Variants in KAZN observed in about 807,000 individuals in gnomAD.
The protein encoded by KAZN is kazrin.
Under a neutral mutation model 87.4 loss-of-function variants are expected in KAZN, and 40 were observed. That is an observed-to-expected ratio of 0.46 (90% CI 0.36 to 0.60). The LOEUF is 0.60. Among genes scored for constraint, KAZN ranks in the 20% least tolerant of loss-of-function variants. KAZN has a pLI of 0.00. For missense variants in KAZN, 898 were observed against 1,073.9 expected (o/e 0.84, Z 2.29); for synonymous variants, 466 against 458.3 (o/e 1.02, Z -0.22).
intron 1 of KAZN, among the ~76,000 whole-genome samples, chr1:14,624,218 C>T (rs929080924): frequency 6.6e-6 from 1 of 152,100 alleles, no homozygotes; most frequent in African/African-American, 2.4e-5. Flanking sequence ...GTCAGGAGAT[C>T]GAGACCGTCC....
At chr1:14,154,262 T>C (rs1391659035) in intron 1 of KAZN, among the ~76,000 whole-genome samples, 1 of 152,230 alleles carries the variant, frequency 6.6e-6, no homozygotes, top group Non-Finnish European at 1.5e-5. Flanking sequence ...GTTGCTATTA[T>C]AAATGGGATT....
chr1:14,791,340 AC>A (rs1361564115), intron 1 of KAZN, among the ~76,000 whole-genome samples: 1 of 151,812 alleles, frequency 6.6e-6, no homozygotes, highest in Non-Finnish European at 1.5e-5. Flanking sequence ...CACACGAGAA[AC>A]CTCTCCACTT....
intron 2 of KAZN, among the ~76,000 whole-genome samples, chr1:14,587,796 C>A (rs574783163): frequency 6.6e-6 from 1 of 152,212 alleles, no homozygotes; most frequent in African/African-American, 2.4e-5. Flanking sequence ...TTCATTTCGA[C>A]ATGAGATTTG....
intron 1 of KAZN, among the ~76,000 whole-genome samples, chr1:14,052,549 A>C (rs1027090766): frequency 1.1e-4 from 17 of 151,990 alleles, no homozygotes; most frequent in African/African-American, 4.1e-4. Flanking sequence ...AAAAAAAAAA[A>C]ACAAGAGAAA....
Position 15,044,271 on chromosome 1 carries a change from C to A in KAZN, c.726+112C>A, listed in dbSNP as rs554700931. ...GAGACCTAGGGTGGGGTGGGTGGGG[C>A]AGAGCAGAACACAAGCAGGGGGCAG... On this transcript the variant is annotated intron_variant, in intron 4 of 14. Coordinates refer to ENST00000376030, the MANE Select transcript of KAZN (RefSeq NM_201628.3). 401 of 977,830 alleles carry A rather than the reference C, an allele frequency of 4.1e-4. 1 individual carries two copies. The African/African-American group carries it at 6.2e-3, about 15-fold the overall frequency. 60.6% of individuals were successfully genotyped at this position (977,830 alleles called of 1,614,324 possible). A position where few individuals can be genotyped will look rare whatever the true frequency, so the allele number is the denominator to read the frequency against.
chr1:14,151,727 TTA>T (rs1341704483), intron 1 of KAZN, among the ~76,000 whole-genome samples: 47 of 152,238 alleles, frequency 3.1e-4, no homozygotes, highest in African/African-American at 1.0e-3. Context: ...ATAGACAAGG[TTA>T]TTGGAAGAAT....
In KAZN at chr1:14,934,449, C is replaced by T. The variant is rs190107308; in HGVS notation, c.227-26235C>T. On this transcript the variant is annotated intron_variant, in intron 1 of 14. Transcript: ENST00000376030. ...CTTGAACTCCTGACCTTGTGATCCA[C>T]CTGCCTTTGCCTCCCAAAGTGCTGG... is the stretch of plus-strand genomic sequence containing the variant. Among the ~76,000 whole-genome samples the T allele has an allele frequency of 3.4e-3, 518 of 152,200 alleles. 2 individuals carry two copies. The highest frequency in any genetic ancestry group is 0.017 in the Middle Eastern group (5 of 294).
At chr1:14,341,290 C>G (rs1657707183) in intron 2 of KAZN, among the ~76,000 whole-genome samples, 3 of 152,148 alleles carry the variant, frequency 2.0e-5, no homozygotes, top group African/African-American at 7.2e-5. Flanking sequence ...TGATGATGAT[C>G]TCAAGTGTGA....
intron 1 of KAZN, among the ~76,000 whole-genome samples, chr1:14,905,960 A>G (rs1372936300): frequency 2.7e-5 from 4 of 150,892 alleles, no homozygotes; most frequent in Non-Finnish European, 5.9e-5. Context: ...CGAGGTCAGG[A>G]GATCGAGGCC....
intron 1 of KAZN, among the ~76,000 whole-genome samples, chr1:14,892,855 C>T (rs542781894): frequency 6.6e-6 from 1 of 152,274 alleles, no homozygotes; most frequent in African/African-American, 2.4e-5. Context: ...CACACAAAAG[C>T]TTCCAGAAGA....
chr1:15,077,004 G>A lies in KAZN; in HGVS notation c.1222+11251G>A, dbSNP rs1222984785. Among the ~76,000 whole-genome samples the A allele has an allele frequency of 2.6e-5, 4 of 152,180 alleles. No individual in the cohort carries two copies. The South Asian group carries it at 6.2e-4, about 24-fold the overall frequency. ...ATAGGCGGGTCAGTGACGTGGCCAC[G>A]TGGGGCCAGCACGTGCTGTAGCAAA... On this transcript the variant is annotated intron_variant, in intron 8 of 14. Transcript: ENST00000376030. The surrounding 1 kb of genome is among the most constrained non-coding windows in gnomAD (Gnocchi z 4.8).
At chr1:14,360,966 T>C (rs1659453776) in intron 2 of KAZN, among the ~76,000 whole-genome samples, 1 of 152,164 alleles carries the variant, frequency 6.6e-6, no homozygotes, top group Admixed American at 6.5e-5. Flanking sequence ...GCTCAAGCAC[T>C]GTGCTAGGAG....
At chr1:14,478,908 A>C (rs1668921705) in intron 2 of KAZN, among the ~76,000 whole-genome samples, 1 of 152,232 alleles carries the variant, frequency 6.6e-6, no homozygotes, top group Non-Finnish European at 1.5e-5. Flanking sequence ...AAACAAGAGT[A>C]GAGAAGCAGG....
At position 14,697,140 on chromosome 1, in the gene KAZN, CA is replaced by C. The variant is rs1172632955; in HGVS notation, c.226+97934del. On this transcript the variant is annotated intron_variant, in intron 1 of 14. Transcript: ENST00000376030. ...GATCTTATCTGTACAAACAAACCAACAAAAAAAAAAAAAAAAAGAAAAGAAA... is the reference window on the plus strand; with the variant it reads ...GATCTTATCTGTACAAACAAACCAACAAAAAAAAAAAAAAAAGAAAAGAAA... Among the ~76,000 whole-genome samples, 207 of 67,774 alleles carry C rather than the reference CA, an allele frequency of 3.1e-3. 3 individuals carry two copies. In the South Asian group the frequency reaches 0.032, roughly 10 times the overall value. 44.5% of individuals were successfully genotyped at this position (67,774 alleles called of 152,430 possible). A position where few individuals can be genotyped will look rare whatever the true frequency, so the allele number is the denominator to read the frequency against.
rs74714895 is a variant in KAZN at position 15,094,946 on chromosome 1, C to G, written c.1547+13C>G. ...AGGCAGGCCGCAGGTGAGCCCACCA[C>G]GAGGGGCCCCGGGGGAGGAGAGAAA... On this transcript the variant is annotated intron_variant, in intron 10 of 14. Transcript: ENST00000376030. The surrounding 1 kb of genome is among the most constrained non-coding windows in gnomAD (Gnocchi z 4.5). 6.5e-7 allele frequency: 1 copy of G among 1,533,920 alleles called. No homozygotes were observed. The highest frequency in any genetic ancestry group is 2.0e-5 in the Admixed American group (1 of 50,850).
intron 2 of KAZN, among the ~76,000 whole-genome samples, chr1:14,277,960 C>T (rs1225113325): frequency 6.6e-6 from 1 of 151,928 alleles, no homozygotes; most frequent in Non-Finnish European, 1.5e-5. Context: ...CTTCCCTCTC[C>T]ACCCTCACGT....
chr1:14,862,808 A>G (rs977470127), intron 1 of KAZN, among the ~76,000 whole-genome samples: 1 of 152,194 alleles, frequency 6.6e-6, no homozygotes, highest in African/African-American at 2.4e-5. Context: ...CACAGAACCA[A>G]TTTCACCAGT....
At chr1:14,975,575 T>A (rs1036977583) in intron 2 of KAZN, among the ~76,000 whole-genome samples, 1 of 152,148 alleles carries the variant, frequency 6.6e-6, no homozygotes, top group Non-Finnish European at 1.5e-5. Context: ...TATATATAAT[T>A]AATAAAGTTT....
chr1:14,093,733 T>G (rs1379740396), intron 1 of KAZN, among the ~76,000 whole-genome samples: 1 of 152,168 alleles, frequency 6.6e-6, no homozygotes, highest in East Asian at 1.9e-4. Context: ...TGATCATAGT[T>G]TTACATGACA....
Sources: gnomAD v4.1 joint callset for allele counts (sites outside exome capture counted in the v4.1 genomes callset) on GRCh38, gnomAD v4.1.1 for gene constraint, Gnocchi (gnomAD v3.1) non-coding constraint, MANE v1.5 for transcripts, NCBI Gene and HGNC (gene_info 2026-07-23, HGNC 2026-07-21) for gene names.